FHOD3: variants seen among roughly 807,000 people sequenced by gnomAD.
The protein encoded by FHOD3 is FH1/FH2 domain-containing protein 3.
FHOD3 carries 90 observed loss-of-function variants against 173.0 expected under a neutral mutation model. That is an observed-to-expected ratio of 0.52 (90% confidence interval 0.44 to 0.62). The LOEUF (loss-of-function observed/expected upper bound fraction) is 0.62, where lower values mean the gene tolerates loss of function less well. FHOD3 is among the 20% of genes least tolerant of loss of function. The probability of loss-of-function intolerance (pLI) is 0.00; values close to 1 mark genes in which losing one functional copy is unlikely to be tolerated. For missense variants in FHOD3, 1,945 were observed against 2,034.7 expected, an observed-to-expected ratio of 0.96 and a Z score of 0.85; for synonymous variants, 828 against 823.0, an observed-to-expected ratio of 1.01 and a Z score of -0.10.
At chr18:36,762,593 T>C (rs1368560065) in intron 27 of FHOD3, among the ~76,000 whole-genome samples, 1 of 152,046 alleles carries the variant, frequency 6.6e-6, no homozygotes, top group African/African-American at 2.4e-5. Flanking sequence ...GGTCAGGAGT[T>C]CAAGACCAGT....
chr18:36,471,233 G>A (rs1183508117), intron 3 of FHOD3, among the ~76,000 whole-genome samples: 1 of 152,172 alleles, frequency 6.6e-6, no homozygotes, highest in Non-Finnish European at 1.5e-5. Flanking sequence ...TGATAGGAGT[G>A]TCCTGAGCTG....
intron 2 of FHOD3, among the ~76,000 whole-genome samples, chr18:36,360,164 G>A (rs1399748360): frequency 1.3e-5 from 2 of 152,212 alleles, no homozygotes; most frequent in Non-Finnish European, 2.9e-5. Flanking sequence ...TTTTAGGCAA[G>A]CCCTGGAGGA....
intron 3 of FHOD3, among the ~76,000 whole-genome samples, chr18:36,478,083 C>T (rs1229221028): frequency 5.3e-5 from 8 of 152,060 alleles, no homozygotes; most frequent in African/African-American, 1.2e-4. Flanking sequence ...CAGGTGGCAG[C>T]GAATGATGGT....
chr18:36,324,234 G>C (rs1309897416), intron 1 of FHOD3, among the ~76,000 whole-genome samples: 2 of 152,174 alleles, frequency 1.3e-5, no homozygotes, highest in East Asian at 1.9e-4. Flanking sequence ...CTCAATTCCA[G>C]ATGAATCATT....
chr18:36,659,542 G>A (rs992614652), intron 14 of FHOD3, among the ~76,000 whole-genome samples: 2 of 152,172 alleles, frequency 1.3e-5, no homozygotes, highest in South Asian at 2.1e-4. Context: ...CTGATACGAC[G>A]TTGCACATCT....
chr18:36,767,912 GGTTCAT>G (rs956300711), intron 27 of FHOD3, among the ~76,000 whole-genome samples: 35 of 151,380 alleles, frequency 2.3e-4, no homozygotes, highest in African/African-American at 7.5e-4. Flanking sequence ...ATTTTTTCTT[GGTTCAT>G]TCATTACCAG....
intron 5 of FHOD3, among the ~76,000 whole-genome samples, chr18:36,560,622 A>C (rs1037387813): frequency 6.6e-5 from 10 of 152,170 alleles, no homozygotes; most frequent in African/African-American, 1.9e-4. Flanking sequence ...GGTGCTTAAC[A>C]AATGCTGCAA....
chr18:36,549,324 T>C (rs1568413286), intron 5 of FHOD3, among the ~76,000 whole-genome samples: 1 of 152,144 alleles, frequency 6.6e-6, no homozygotes, highest in Non-Finnish European at 1.5e-5. Flanking sequence ...TATTACTGAG[T>C]TTTGAGTTCT....
chr18:36,685,831 A>C (rs1454646428), intron 15 of FHOD3, among the ~76,000 whole-genome samples: 1 of 152,226 alleles, frequency 6.6e-6, no homozygotes. Flanking sequence ...ACTTAGATTC[A>C]ATTTGGAACC....
At chr18:36,481,484 C>G (rs1157428188) in intron 3 of FHOD3, among the ~76,000 whole-genome samples, 1 of 151,244 alleles carries the variant, frequency 6.6e-6, no homozygotes, top group Non-Finnish European at 1.5e-5. Context: ...AGTCACCACC[C>G]TCCCTTCTTC....
intron 3 of FHOD3, among the ~76,000 whole-genome samples, chr18:36,501,539 A>C (rs568575019): frequency 6.6e-6 from 1 of 152,356 alleles, no homozygotes; most frequent in South Asian, 2.1e-4. Flanking sequence ...TTGGCCATCA[A>C]GTGGAAATAG....
At chr18:36,652,530 C>CT in intron 11 of FHOD3, 40 bp from the exon 12 acceptor site, 1 of 1,494,722 alleles carries the variant, frequency 6.7e-7, no homozygotes, top group Non-Finnish European at 8.9e-7. Flanking sequence ...TCTCCCAAAT[C>CT]TTTTTTTCTT....
intron 1 of FHOD3, among the ~76,000 whole-genome samples, chr18:36,317,421 C>A (rs561511661): frequency 1.3e-5 from 2 of 152,178 alleles, no homozygotes; most frequent in African/African-American, 4.8e-5. Context: ...CCATTCTAAC[C>A]GGCATGAGTT....
At chr18:36,733,295 C>A (rs936510732) in intron 20 of FHOD3, among the ~76,000 whole-genome samples, 1 of 152,162 alleles carries the variant, frequency 6.6e-6, no homozygotes, top group Non-Finnish European at 1.5e-5. Context: ...TTTTTCCCAC[C>A]ACCCTGACTG....
intron 3 of FHOD3, among the ~76,000 whole-genome samples, chr18:36,459,434 G>A (rs1281732146): frequency 6.6e-6 from 1 of 152,182 alleles, no homozygotes; most frequent in African/African-American, 2.4e-5. Flanking sequence ...GAACCGCCTC[G>A]CTGGCTGGGC....
intron 18 of FHOD3, among the ~76,000 whole-genome samples, chr18:36,716,123 G>C (rs2040435157): frequency 6.6e-6 from 1 of 152,220 alleles, no homozygotes; most frequent in South Asian, 2.1e-4. Flanking sequence ...ACTTTGAGCA[G>C]AAAGATATGA....
At chr18:36,675,504 A>G (rs917530440) in intron 14 of FHOD3, among the ~76,000 whole-genome samples, 11 of 152,148 alleles carry the variant, frequency 7.2e-5, no homozygotes, top group Non-Finnish European at 1.6e-4. Flanking sequence ...GCCCTGAGAC[A>G]TGACTATGAT....
intron 5 of FHOD3, among the ~76,000 whole-genome samples, chr18:36,562,184 T>C (rs545334682): frequency 4.6e-5 from 7 of 152,238 alleles, no homozygotes; most frequent in African/African-American, 1.2e-4. Context: ...TCCCGGCTAA[T>C]TTTTGTACTG....
At chr18:36,393,137 A>G (rs1385427492) in intron 3 of FHOD3, among the ~76,000 whole-genome samples, 1 of 152,262 alleles carries the variant, frequency 6.6e-6, no homozygotes, top group Non-Finnish European at 1.5e-5. Flanking sequence ...AGTGTCTGCC[A>G]TGCTGGCCAC....
Sources: gnomAD v4.1 joint callset for allele counts (sites outside exome capture counted in the v4.1 genomes callset) on GRCh38, gnomAD v4.1.1 for gene constraint, MANE v1.5 for transcripts, NCBI Gene and HGNC (gene_info 2026-07-23, HGNC 2026-07-21) for gene names.